The following ZNF678 variants were observed in gnomAD, a reference collection of about 807,000 sequenced individuals.
The protein encoded by ZNF678 is hypothetical protein MGC42493.
In ZNF678, 5 loss-of-function variants were observed where a neutral mutation model predicts 3.0. The observed-to-expected ratio is 1.69, with a 90% CI of 0.88 to 3.56. The LOEUF is 3.56. Ranked by LOEUF, ZNF678 falls within the 30% of genes most tolerant of loss-of-function variation. ZNF678 has a pLI of 0.00. For synonymous variants in ZNF678, 218 were observed against 199.6 expected, an observed-to-expected ratio of 1.09 and a Z score of -0.78; for missense variants, 593 against 605.0, an observed-to-expected ratio of 0.98 and a Z score of 0.21.
intron 1 of ZNF678, among the ~76,000 whole-genome samples, chr1:227,595,902 A>AAAACC (rs1246443836): frequency 6.6e-6 from 1 of 152,174 alleles, no homozygotes; most frequent in African/African-American, 2.4e-5. Flanking sequence ...AAACCAAGTC[A>AAAACC]AAACCAAAAC....
chr1:227,643,235 C>G (rs1434389406), intron 1 of ZNF678, among the ~76,000 whole-genome samples: 1 of 152,072 alleles, frequency 6.6e-6, no homozygotes, highest in Non-Finnish European at 1.5e-5. Context: ...GCAGTAAATG[C>G]TTTTACCTTC....
intron 1 of ZNF678, among the ~76,000 whole-genome samples, chr1:227,595,816 C>T (rs1490239103): frequency 1.3e-5 from 2 of 152,194 alleles, no homozygotes; most frequent in Admixed American, 1.3e-4. Context: ...GGTACAGGCA[C>T]ACCGTGGGTG....
intron 5 of ZNF678, among the ~76,000 whole-genome samples, chr1:227,672,699 C>T (rs1248545857): frequency 2.6e-5 from 4 of 152,036 alleles, no homozygotes; most frequent in South Asian, 2.1e-4. Flanking sequence ...GTGGGTCGGT[C>T]GGTCTAGGGA....
intron 1 of ZNF678, among the ~76,000 whole-genome samples, chr1:227,602,978 G>A (rs1374732841): frequency 6.6e-6 from 1 of 152,172 alleles, no homozygotes; most frequent in African/African-American, 2.4e-5. Flanking sequence ...CTGTGCCCCA[G>A]CCTGGGCAAC....
intron 1 of ZNF678, among the ~76,000 whole-genome samples, chr1:227,590,635 C>G: frequency 6.6e-6 from 1 of 151,840 alleles, no homozygotes; most frequent in Non-Finnish European, 1.5e-5. Context: ...CCCAGGAGTT[C>G]GCCTGTTTTT....
intron 1 of ZNF678, among the ~76,000 whole-genome samples, chr1:227,569,983 A>G (rs1210938564): frequency 6.6e-6 from 1 of 152,176 alleles, no homozygotes; most frequent in African/African-American, 2.4e-5. Context: ...GGCTTGCAGT[A>G]AAAAGGGTTG....
chr1:227,621,567 A>G lies in ZNF678; in HGVS notation c.-163-24977A>G, dbSNP rs6664872. On this transcript the variant is annotated intron_variant, in intron 1 of 3. Transcript: ENST00000343776. ...TGCTCTAAGCAGAAAACTTATCTTT[A>G]GGTTTGTCTTCAGCTGCAGAGAATG... is the stretch of plus-strand genomic sequence containing the variant. Among the ~76,000 whole-genome samples, 147 of 152,354 alleles carry G rather than the reference A, an allele frequency of 9.6e-4. 1 individual carries two copies. Among genetic ancestry groups the G allele is most frequent in the African/African-American group, 6.0e-4 (25 of 41,594 alleles).
At chr1:227,616,382 G>A (rs142441959) in intron 1 of ZNF678, among the ~76,000 whole-genome samples, 319 of 152,292 alleles carry the variant, frequency 2.1e-3, no homozygotes, top group Non-Finnish European at 3.8e-3. Flanking sequence ...GCCCATTCCC[G>A]ACATTCCCTG....
At chr1:227,577,108 T>C (rs1282232681) in intron 1 of ZNF678, among the ~76,000 whole-genome samples, 2 of 152,180 alleles carry the variant, frequency 1.3e-5, no homozygotes, top group African/African-American at 2.4e-5. Context: ...GTCTGAGAGA[T>C]TGTTATGATT....
At chr1:227,669,638 G>C (rs1175615624) in intron 5 of ZNF678, among the ~76,000 whole-genome samples, 2 of 111,032 alleles carry the variant, frequency 1.8e-5, no homozygotes, top group Non-Finnish European at 3.6e-5. Flanking sequence ...GACAGAGCGA[G>C]ACCGTCTCAA....
At chr1:227,635,515 TTGTGTGTGTGTGTGTGTGTG>T (rs56135481) in intron 1 of ZNF678, among the ~76,000 whole-genome samples, 35 of 127,936 alleles carry the variant, frequency 2.7e-4, no homozygotes, top group African/African-American at 9.8e-4. Context: ...GGGTGAACAT[TTGTGTGTGTGTGTGTGTGTG>T]TGTGTGTGTG....
In ZNF678 at chr1:227,654,754, A is replaced by C. The variant is rs1225535766; in HGVS notation, c.504A>C (p.Leu168=). 9.9e-6 allele frequency: 16 copies of C among 1,612,722 alleles called. No homozygotes were observed. The Admixed American group carries it at 2.3e-4, about 24-fold the overall frequency. ...CGKVFNWWSQ[L]TNHKKIHTGE... is the part of the protein sequence containing the mutation. ...AAGTTTTTAATTGGTGGTCACAACT[A>C]ACTAACCATAAGAAAATTCATACTG... Residue 168 remains leucine, a synonymous_variant, in exon 4 of 4, where the codon CTA becomes CTC. Transcript: ENST00000343776.
At chr1:227,591,364 T>C (rs535834216) in intron 1 of ZNF678, among the ~76,000 whole-genome samples, 2 of 152,314 alleles carry the variant, frequency 1.3e-5, no homozygotes, top group Non-Finnish European at 2.9e-5. Flanking sequence ...GACAGGATTT[T>C]TTTCATTTTT....
chr1:227,677,537 TATAC>T (rs1659704305), downstream of ZNF678: 1 of 152,236 alleles, frequency 6.6e-6, no homozygotes, highest in Non-Finnish European at 1.5e-5. Flanking sequence ...GATGGGCTAC[TATAC>T]AAAGAGCAGA....
chr1:227,602,844 T>C (rs576327661), intron 1 of ZNF678, among the ~76,000 whole-genome samples: 1 of 152,346 alleles, frequency 6.6e-6, no homozygotes, highest in Non-Finnish European at 1.5e-5. Flanking sequence ...AAAGAATGCT[T>C]TTTGATCCAG....
At chr1:227,565,062 T>G (rs1205854795) in intron 1 of ZNF678, among the ~76,000 whole-genome samples, 7 of 132,172 alleles carry the variant, frequency 5.3e-5, no homozygotes, top group African/African-American at 2.0e-4. Flanking sequence ...GGCTTTTTTT[T>G]TTTTTTTTTT....
chr1:227,570,155 A>G (rs901289407), intron 1 of ZNF678, among the ~76,000 whole-genome samples: 10 of 152,206 alleles, frequency 6.6e-5, no homozygotes, highest in African/African-American at 2.4e-4. Context: ...GTTCTGCTAT[A>G]TGGTGGGCCT....
Position 227,655,793 on chromosome 1 carries a change from G to A in ZNF678, c.1543G>A (p.Glu515Lys), listed in dbSNP as rs745759863. 27 of 1,580,154 alleles carry A rather than the reference G, an allele frequency of 1.7e-5. No homozygotes were observed. Among genetic ancestry groups the A allele is most frequent in the Non-Finnish European group, 1.7e-6 (2 of 1,166,880 alleles). Residue 515 changes from glutamate to lysine, a missense_variant, in exon 4 of 4, where the codon GAA becomes AAA. Coordinates refer to ENST00000343776, the MANE Select transcript of ZNF678 (RefSeq NM_001367909.1). ...SKYKRIYTGE[E>K]PDKCKKCGSL ...GTATAAGAGAATTTATACTGGAGAG[G>A]AACCTGACAAATGTAAAAAATGTGG...
At chr1:227,569,828 A>G (rs74392157) in intron 1 of ZNF678, among the ~76,000 whole-genome samples, 7 of 149,816 alleles carry the variant, frequency 4.7e-5, no homozygotes, top group African/African-American at 7.4e-5. Context: ...ATGTTCAAAT[A>G]GAACCATTAG....
Sources: gnomAD v4.1 joint callset for allele counts (sites outside exome capture counted in the v4.1 genomes callset) on GRCh38, gnomAD v4.1.1 for gene constraint, MANE v1.5 for transcripts, NCBI Gene and HGNC (gene_info 2026-07-23, HGNC 2026-07-21) for gene names.